DCAF5: variants seen among roughly 807,000 people sequenced by gnomAD.
DCAF5 encodes the protein DDB1- and CUL4-associated factor 5.
DCAF5 carries 9 observed loss-of-function variants against 80.7 expected under a neutral mutation model. That is an observed-to-expected ratio of 0.11 (90% CI 0.07 to 0.19). DCAF5 has a LOEUF of 0.19. DCAF5 is among the 10% of genes least tolerant of loss of function. The probability of loss-of-function intolerance (pLI) is 1.00; values close to 1 mark genes in which losing one functional copy is unlikely to be tolerated. For synonymous variants in DCAF5, 433 were observed against 461.9 expected, an observed-to-expected ratio of 0.94 and a Z score of 0.80; for missense variants, 842 against 1,205.7, an observed-to-expected ratio of 0.70 and a Z score of 4.47.
chr14:69,150,722 C>CA (rs11442310), intron 1 of DCAF5, among the ~76,000 whole-genome samples: 52,810 of 137,054 alleles, frequency 0.39, 9,967 homozygotes, highest in Middle Eastern at 0.5. Flanking sequence ...TCCACCTCTA[C>CA]AAAAAAAAAA....
intron 1 of DCAF5, among the ~76,000 whole-genome samples, chr14:69,142,623 C>T (rs946192822): frequency 5.9e-5 from 9 of 152,168 alleles, no homozygotes; most frequent in African/African-American, 2.2e-4. Context: ...TGAAAAAGTG[C>T]TTCCAAATGA....
intron 7 of DCAF5, among the ~76,000 whole-genome samples, chr14:69,068,516 T>G (rs957759487): frequency 6.6e-6 from 1 of 151,898 alleles, no homozygotes; most frequent in African/African-American, 2.4e-5. Context: ...CTGACCAACA[T>G]GGAGAAACCC....
In DCAF5 at chr14:69,152,965, G is replaced by T; in HGVS notation, c.14C>A (p.Ala5Asp). The T allele has an allele frequency of 1.9e-6, 3 of 1,603,608 alleles. No individual in the cohort carries two copies. Among genetic ancestry groups the T allele is most frequent in the Non-Finnish European group, 2.6e-6 (3 of 1,176,384 alleles). ...TGACCTCATGCTGCCCCCCAGGCCAGCTCTCCTCTTCATGCTGGAACCGCC... is the reference window on the plus strand; with the variant it reads ...TGACCTCATGCTGCCCCCCAGGCCATCTCTCCTCTTCATGCTGGAACCGCC... MKRR[A>D]GLGGSMRSVV... Residue 5 changes from alanine to aspartate, a missense_variant, in exon 1 of 9, where the codon GCT becomes GAT. Coordinates refer to ENST00000341516, the MANE Select transcript of DCAF5 (RefSeq NM_003861.3). This position sits in a 1 kb window ranked among gnomAD's most constrained non-coding sequence, Gnocchi z 4.1.
In DCAF5 at chr14:69,128,676, GA is replaced by G. The variant is rs1221923923; in HGVS notation, c.215-6317del. Reference sequence around the variant, plus strand: ...CCAGCTACTGGGGAGGATGAGGCAGGAGAATCACTTGAACCCTGGAGGCGGA... The same window carrying G: ...CCAGCTACTGGGGAGGATGAGGCAGGGAATCACTTGAACCCTGGAGGCGGA... On this transcript the variant is annotated intron_variant, in intron 1 of 8. Transcript: ENST00000341516. 2.2e-3 allele frequency among the ~76,000 whole-genome samples: 332 copies of G among 152,308 alleles called. 3 individuals carry two copies. Among genetic ancestry groups the G allele is most frequent in the African/African-American group, 7.5e-3 (310 of 41,562 alleles).
intron 8 of DCAF5, among the ~76,000 whole-genome samples, chr14:69,057,790 A>G (rs1594924387): frequency 6.6e-6 from 1 of 152,122 alleles, no homozygotes; most frequent in Non-Finnish European, 1.5e-5. Flanking sequence ...AGTAAATTAG[A>G]TGGGTCTCAT....
chr14:69,075,318 G>A, intron 7 of DCAF5, 27 bp downstream of exon 7: 2 of 1,595,314 alleles, frequency 1.3e-6, no homozygotes, highest in Non-Finnish European at 1.7e-6. Context: ...AGCAATAGCA[G>A]TACATTCATG....
At chr14:69,115,689 T>C (rs1375277514) in intron 5 of DCAF5, among the ~76,000 whole-genome samples, 1 of 152,184 alleles carries the variant, frequency 6.6e-6, no homozygotes, top group African/African-American at 2.4e-5. Context: ...CATCCTTTAA[T>C]GATGCCTGAG....
At chr14:69,135,915 C>T (rs1428123751) in intron 1 of DCAF5, among the ~76,000 whole-genome samples, 1 of 152,030 alleles carries the variant, frequency 6.6e-6, no homozygotes, top group Non-Finnish European at 1.5e-5. Context: ...AGGAAAGACC[C>T]AAAGTTTAAG....
intron 5 of DCAF5, among the ~76,000 whole-genome samples, chr14:69,116,128 C>T (rs776763435): frequency 6.6e-6 from 1 of 152,108 alleles, no homozygotes; most frequent in Non-Finnish European, 1.5e-5. Context: ...TTGCCTAAAA[C>T]TCACCCTGTC....
chr14:69,062,639 T>A, intron 7 of DCAF5, 128 bp from the exon 8 acceptor site: 1 of 984,000 alleles, frequency 1.0e-6, no homozygotes, highest in Non-Finnish European at 1.5e-6. Flanking sequence ...GCAGAATGCT[T>A]AATCTTACAG....
In DCAF5 at chr14:69,053,962, A is replaced by G. The variant is rs1347820906; in HGVS notation, c.2724T>C (p.Asp908=). 6.2e-7 allele frequency: 1 copy of G among 1,613,132 alleles called. No individual in the cohort carries two copies. The change falls in exon 9 of 9, where the codon GAT becomes GAC. Residue 908 remains aspartate, a synonymous_variant. Transcript: ENST00000341516. The part of the protein sequence containing the change: ...REDPTDTPAT[D]SSRAVHGHSG... ...TGTGGCCATGAACAGCCCTGCTACTATCTGTGGCTGGGGTGTCAGTGGGGT... is the reference window on the plus strand; with the variant it reads ...TGTGGCCATGAACAGCCCTGCTACTGTCTGTGGCTGGGGTGTCAGTGGGGT...
chr14:69,067,433 T>C (rs1219904773), intron 7 of DCAF5, among the ~76,000 whole-genome samples: 11 of 144,328 alleles, frequency 7.6e-5, no homozygotes. Context: ...AACCCCCCGC[T>C]CCCAGGCTCA....
At chr14:69,063,049 G>C (rs1196207708) in intron 7 of DCAF5, among the ~76,000 whole-genome samples, 2 of 152,162 alleles carry the variant, frequency 1.3e-5, no homozygotes, top group Non-Finnish European at 2.9e-5. Context: ...ATAATAGAGA[G>C]AATACTTTTC....
intron 1 of DCAF5, among the ~76,000 whole-genome samples, chr14:69,148,420 G>T (rs1175813798): frequency 6.6e-6 from 1 of 152,168 alleles, no homozygotes; most frequent in African/African-American, 2.4e-5. Context: ...TAACGGGCTG[G>T]GTGGGGTGGC....
chr14:69,090,110 A>C (rs767945203), intron 6 of DCAF5: 10 of 985,170 alleles, frequency 1.0e-5, no homozygotes, highest in African/African-American at 1.7e-5. Context: ...TCTATTATTC[A>C]ACAAAACAAG....
At chr14:69,139,648 T>C (rs2041302277) in intron 1 of DCAF5, among the ~76,000 whole-genome samples, 1 of 151,790 alleles carries the variant, frequency 6.6e-6, no homozygotes, top group African/African-American at 2.4e-5. Flanking sequence ...ACCCCGTCTC[T>C]ACTAAAAACA....
At chr14:69,090,150 T>C in intron 6 of DCAF5, 3 of 977,886 alleles carry the variant, frequency 3.1e-6, no homozygotes, top group Non-Finnish European at 3.6e-6. Flanking sequence ...TGACAAAGGA[T>C]AGGAAATCAA....
At chr14:69,151,537 T>C (rs918767153) in intron 1 of DCAF5, among the ~76,000 whole-genome samples, 1 of 151,778 alleles carries the variant, frequency 6.6e-6, no homozygotes, top group African/African-American at 2.4e-5. Flanking sequence ...CCTCCCAATA[T>C]AGGAAAAGGG....
chr14:69,119,500 A>C (rs553312722), intron 2 of DCAF5, among the ~76,000 whole-genome samples: 6 of 152,142 alleles, frequency 3.9e-5, no homozygotes, highest in Non-Finnish European at 5.9e-5. Context: ...TAAAAAAAAA[A>C]AACAACTGTG....
Sources: allele counts gnomAD v4.1 joint callset (sites outside exome capture counted in the v4.1 genomes callset), GRCh38; gene constraint gnomAD v4.1.1; non-coding constraint Gnocchi (gnomAD v3.1); transcripts MANE v1.5; gene names NCBI Gene and HGNC (gene_info 2026-07-23, HGNC 2026-07-21).